The following NOX4 variants were observed in gnomAD, a reference collection of about 807,000 sequenced individuals.
NOX4 encodes the protein NADPH oxidase 4.
NOX4 carries 69 observed loss-of-function variants against 87.6 expected under a neutral mutation model. That is an observed-to-expected ratio of 0.79 (90% CI 0.65 to 0.96). The LOEUF is 0.96. Among genes scored for constraint, NOX4 ranks in the 40% least tolerant of loss-of-function variants. The probability of loss-of-function intolerance (pLI) is 0.00; values close to 1 mark genes in which losing one functional copy is unlikely to be tolerated. For synonymous variants in NOX4, 275 were observed against 238.2 expected (o/e 1.15, Z -1.42); for missense variants, 680 against 681.5 (o/e 1.00, Z 0.02).
chr11:89,340,323 C>T (rs771857534), intron 14 of NOX4, 152 bp from the exon 15 acceptor site: 7 of 586,848 alleles, frequency 1.2e-5, no homozygotes, highest in South Asian at 2.2e-5. Context: ...TACATTCTAG[C>T]GTCTGATAGC....
the NOX4 span, among the ~76,000 whole-genome samples, chr11:89,532,418 T>C: frequency 4.6e-5 from 7 of 152,174 alleles, no homozygotes; most frequent in East Asian, 7.7e-4. Context: ...GACTGCCCTG[T>C]TGGGTTTTGG....
intron 11 of NOX4, among the ~76,000 whole-genome samples, chr11:89,388,180 G>C (rs182713285): frequency 4.6e-5 from 7 of 152,052 alleles, no homozygotes; most frequent in African/African-American, 1.4e-4. Context: ...TCTCATAAAC[G>C]ATCTATGTTT....
At chr11:89,327,453 T>C (rs569550672) in intron 17 of NOX4, among the ~76,000 whole-genome samples, 164 of 152,362 alleles carry the variant, frequency 1.1e-3, no homozygotes, top group South Asian at 5.4e-3. Context: ...AGTTCTTTTT[T>C]ATTTATGCAC....
intron 9 of NOX4, among the ~76,000 whole-genome samples, chr11:89,401,773 C>T (rs929827510): frequency 7.2e-5 from 11 of 151,926 alleles, no homozygotes; most frequent in Non-Finnish European, 1.6e-4. Flanking sequence ...ATCAGAAAAT[C>T]GAGGGTGATA....
intron 2 of NOX4, among the ~76,000 whole-genome samples, chr11:89,465,684 A>T (rs1292701838): frequency 6.6e-6 from 1 of 152,178 alleles, no homozygotes; most frequent in African/African-American, 2.4e-5. Context: ...AACTGGTGTG[A>T]GATGGTATCT....
rs1459953260 is a variant in NOX4 at position 89,426,701 on chromosome 11, G to C, written c.549-4719C>G. ...GGGGCGCCCACCATTGCTGAAGCTTGAGTAGGTAAACAAAGTGGCCTGGAT... is the reference window on the plus strand; with the variant it reads ...GGGGCGCCCACCATTGCTGAAGCTTCAGTAGGTAAACAAAGTGGCCTGGAT... On this transcript the variant is annotated intron_variant, in intron 7 of 17. Transcript: ENST00000263317. Among the ~76,000 whole-genome samples, 4 of 152,262 alleles carry C rather than the reference G, an allele frequency of 2.6e-5. No homozygotes were observed. The East Asian group carries it at 5.8e-4, about 22-fold the overall frequency.
chr11:89,519,628 G>A, the NOX4 span, among the ~76,000 whole-genome samples: 1 of 152,004 alleles, frequency 6.6e-6, no homozygotes, highest in Non-Finnish European at 1.5e-5. Flanking sequence ...AAGCAGTTCA[G>A]AAAGAAGAGA....
At chr11:89,490,646 G>T in intron 1 of NOX4, 93 bp from the exon 2 acceptor site, 1 of 871,118 alleles carries the variant, frequency 1.1e-6, no homozygotes, top group Non-Finnish European at 1.9e-6. Flanking sequence ...TCGACACAGT[G>T]CTTTCAATGG....
chr11:89,481,563 C>G (rs1054370915), intron 2 of NOX4, among the ~76,000 whole-genome samples: 3 of 151,978 alleles, frequency 2.0e-5, no homozygotes, highest in African/African-American at 7.2e-5. Flanking sequence ...AAATTCATAT[C>G]CATATGGCTC....
At chr11:89,566,210 T>G in the NOX4 span, among the ~76,000 whole-genome samples, 1 of 151,938 alleles carries the variant, frequency 6.6e-6, no homozygotes, top group Non-Finnish European at 1.5e-5. Flanking sequence ...GCCCAGCTAA[T>G]TTTCTGTATT....
chr11:89,338,219 G>C (rs1364545052), intron 15 of NOX4, among the ~76,000 whole-genome samples: 2 of 152,038 alleles, frequency 1.3e-5, no homozygotes, highest in African/African-American at 4.8e-5. Flanking sequence ...AACTACTCTA[G>C]GGACCTCCTA....
Position 89,326,829 on chromosome 11 carries a change from G to T in NOX4, c.1664C>A (p.Thr555Asn), listed in dbSNP as rs1351829557. ...GTTCTGGTTACTCAGTTTATGAAGA[G>T]TCTTGGATAGTGAATTGGGTCCACA... ...FCCGPNSLSK[T>N]LHKLSNQNNS... Residue 555 changes from threonine to asparagine, a missense_variant, in exon 18 of 18, where the codon ACT becomes AAT. By Grantham distance (65) the Thr-to-Asn change is moderately conservative. Transcript: ENST00000263317. 13 of 1,612,980 alleles carry T rather than the reference G, an allele frequency of 8.1e-6. No homozygotes were observed. Among genetic ancestry groups the T allele is most frequent in the African/African-American group, 1.3e-5 (1 of 74,980 alleles).
chr11:89,505,465 C>T, the NOX4 span, among the ~76,000 whole-genome samples: 1 of 151,690 alleles, frequency 6.6e-6, no homozygotes, highest in African/African-American at 2.4e-5. Flanking sequence ...GTGTGAGGAC[C>T]AGGAAAGGCC....
the NOX4 span, among the ~76,000 whole-genome samples, chr11:89,571,190 T>C: frequency 6.6e-6 from 1 of 152,260 alleles, no homozygotes; most frequent in Non-Finnish European, 1.5e-5. Context: ...ATCTAAGTAA[T>C]TGGATATTTT....
chr11:89,438,987 AT>A (rs1480307674), intron 6 of NOX4, among the ~76,000 whole-genome samples: 7 of 105,792 alleles, frequency 6.6e-5, no homozygotes, highest in Non-Finnish European at 1.3e-4. Flanking sequence ...TATATATTAT[AT>A]TATTAATATA....
At chr11:89,421,694 A>C (rs748303079) in intron 8 of NOX4, among the ~76,000 whole-genome samples, 1 of 152,176 alleles carries the variant, frequency 6.6e-6, no homozygotes, top group African/African-American at 2.4e-5. Flanking sequence ...TTTTAAATTT[A>C]GTATACTTTA....
chr11:89,326,917 T>A (rs764970068), intron 17 of NOX4, 41 bp from the exon 18 acceptor site: 3 of 1,606,808 alleles, frequency 1.9e-6, no homozygotes, highest in Non-Finnish European at 2.6e-6. Context: ...AGGTGTAAAA[T>A]TAGGCAGAAC....
chr11:89,469,663 T>C (rs868864089), intron 2 of NOX4, among the ~76,000 whole-genome samples: 12 of 152,340 alleles, frequency 7.9e-5, no homozygotes, highest in African/African-American at 2.6e-4. Context: ...ATGGTCTGTG[T>C]CACTTCCCTT....
intron 3 of NOX4, 110 bp from the exon 4 acceptor site, chr11:89,449,634 A>G (rs1944865621): frequency 1.4e-6 from 1 of 731,342 alleles, no homozygotes; most frequent in Non-Finnish European, 2.2e-6. Flanking sequence ...GCGGAAGCCT[A>G]TTAATCAAAA....
Sources: allele counts gnomAD v4.1 joint callset (sites outside exome capture counted in the v4.1 genomes callset), GRCh38; gene constraint gnomAD v4.1.1; transcripts MANE v1.5; gene names NCBI Gene and HGNC (gene_info 2026-07-23, HGNC 2026-07-21).